The following KDM4C variants were observed in gnomAD, a reference collection of about 807,000 sequenced individuals.
The protein encoded by KDM4C is lysine demethylase 4C, also known as lysine-specific demethylase 4C.
In KDM4C, 81 loss-of-function variants were observed where a neutral mutation model predicts 129.3. The ratio of observed to expected loss-of-function variants is 0.63; its 90% CI spans 0.52 to 0.75. The LOEUF is 0.75. Ranked by LOEUF, KDM4C falls within the 30% of genes least tolerant of loss-of-function variation. The pLI, the probability that KDM4C is intolerant of heterozygous loss-of-function variation, is 0.00. For synonymous variants in KDM4C, 573 were observed against 456.1 expected, an observed-to-expected ratio of 1.26 and a Z score of -3.26; for missense variants, 1,457 against 1,304.0, an observed-to-expected ratio of 1.12 and a Z score of -1.81.
intron 18 of KDM4C, among the ~76,000 whole-genome samples, chr9:7,105,235 C>A (rs553367646): frequency 6.6e-6 from 1 of 152,094 alleles, no homozygotes; most frequent in Non-Finnish European, 1.5e-5. Flanking sequence ...TATATGAATG[C>A]GTTTTGAGAT....
chr9:6,831,406 C>T (rs376995995), intron 4 of KDM4C, among the ~76,000 whole-genome samples: 43 of 151,840 alleles, frequency 2.8e-4, no homozygotes, highest in Non-Finnish European at 5.0e-4. Flanking sequence ...CTCACTCTGT[C>T]GGCCAGGCTC....
intron 17 of KDM4C, among the ~76,000 whole-genome samples, chr9:7,068,686 CTTTTTTTTTTT>C (rs542039227): frequency 0.06 from 6,142 of 101,846 alleles, 280 homozygotes; most frequent in East Asian, 0.27. Flanking sequence ...GATGCCCTTT[CTTTTTTTTTTT>C]TTTTTTTTTT....
chr9:7,103,717 G>C lies in KDM4C; in HGVS notation c.2457G>C (p.Arg819Ser), dbSNP rs745947307. Residue 819 changes from arginine to serine, a missense_variant, in exon 18 of 22, where the codon AGG becomes AGC. Physicochemically the swap from Arg to Ser is moderately radical, Grantham distance 110 (BLOSUM62 -1). Transcript: ENST00000381309. ...TCTTCTGCAGACACCGGGTTAAGAG[G>C]GTCTCTGGAGCCTGCATCCAGTGTT... ...KCIFCRHRVKRVSGACIQCSY... is the reference protein window; with the variant it reads ...KCIFCRHRVKSVSGACIQCSY... The C allele has an allele frequency of 6.2e-7, 1 of 1,613,890 alleles. No homozygotes were observed. Among genetic ancestry groups the C allele is most frequent in the South Asian group, 1.1e-5 (1 of 91,080 alleles).
chr9:6,799,572 AG>A (rs1554690536), intron 2 of KDM4C, among the ~76,000 whole-genome samples: 1 of 132,208 alleles, frequency 7.6e-6, no homozygotes, highest in South Asian at 2.2e-4. Context: ...GAGACAGGAG[AG>A]GGATGAGAGG....
At position 6,740,171 on chromosome 9, in the gene KDM4C, T is replaced by TGC. The variant is rs1435998399; in HGVS notation, c.49+19176_49+19177dup. On this transcript the variant is annotated intron_variant, in intron 1 of 17. Coordinates refer to the KDM4C transcript ENST00000536108. The stretch of plus-strand genomic sequence containing the variant: ...TCCCAAAGTGCTGGAATTACAGGTG[T>TGC]GCGACACCACACCCAGCCTAATTTT... Among the ~76,000 whole-genome samples the TGC allele has an allele frequency of 9.2e-5, 14 of 152,116 alleles. 1 individual carries two copies. The highest frequency in any genetic ancestry group is 3.4e-4 in the African/African-American group (14 of 41,502).
rs576943970 is a variant in KDM4C, at chr9:6,951,348, C to G, written c.922-29577C>G. Reference sequence around the variant, plus strand: ...TATGCTTTTGAGTTATAAATTAAAACCTGATAATAAACTCTGTCTTCTGGA... The same window carrying G: ...TATGCTTTTGAGTTATAAATTAAAAGCTGATAATAAACTCTGTCTTCTGGA... On this transcript the variant is annotated intron_variant, in intron 8 of 21. Transcript: ENST00000381309. Among the ~76,000 whole-genome samples, 132 of 152,282 alleles carry G rather than the reference C, an allele frequency of 8.7e-4. 1 individual carries two copies. Among genetic ancestry groups the G allele is most frequent in the Middle Eastern group, 6.8e-3 (2 of 294 alleles).
intron 1 of KDM4C, among the ~76,000 whole-genome samples, chr9:6,785,790 G>A (rs781675645): frequency 1.3e-5 from 2 of 152,182 alleles, no homozygotes; most frequent in African/African-American, 4.8e-5. Context: ...CGTGTCTTTT[G>A]GGGGGACACA....
intron 8 of KDM4C, among the ~76,000 whole-genome samples, chr9:6,974,320 C>T (rs1385624163): frequency 6.6e-6 from 1 of 152,126 alleles, no homozygotes; most frequent in South Asian, 2.1e-4. Flanking sequence ...TTATATATAA[C>T]GTTATATTCA....
At chr9:6,952,835 G>A (rs1019222452) in intron 8 of KDM4C, among the ~76,000 whole-genome samples, 25 of 152,188 alleles carry the variant, frequency 1.6e-4, no homozygotes, top group South Asian at 4.1e-4. Flanking sequence ...TAGGTTAAAT[G>A]TGGTTCTCTA....
chr9:7,124,370 A>C (rs10976052), intron 18 of KDM4C, among the ~76,000 whole-genome samples: 67,922 of 152,108 alleles, frequency 0.45, 15,564 homozygotes, highest in East Asian at 0.75. Flanking sequence ...TGCCAAGATG[A>C]AGCTGTGTGT....
intron 3 of KDM4C, among the ~76,000 whole-genome samples, chr9:6,806,487 TC>T (rs1446885564): frequency 1.3e-5 from 2 of 148,834 alleles, no homozygotes; most frequent in Admixed American, 1.4e-4. Context: ...AGAGTGAAAC[TC>T]CGTCTCGAAA....
intron 11 of KDM4C, among the ~76,000 whole-genome samples, chr9:6,987,258 C>G (rs530664005): frequency 1.3e-5 from 2 of 152,148 alleles, no homozygotes; most frequent in African/African-American, 4.8e-5. Context: ...ACCAGGGTGA[C>G]CTTTCTTGTC....
chr9:7,109,784 T>G (rs1449802121), intron 18 of KDM4C, among the ~76,000 whole-genome samples: 1 of 152,212 alleles, frequency 6.6e-6, no homozygotes, highest in African/African-American at 2.4e-5. Context: ...GGTGACTGCT[T>G]TATTTCTAAT....
chr9:6,808,588 C>T (rs1392017192), intron 3 of KDM4C, among the ~76,000 whole-genome samples: 2 of 148,020 alleles, frequency 1.4e-5, no homozygotes. Context: ...CCTAGGAAAA[C>T]CAGAGACCTT....
chr9:7,044,783 G>C (rs1407859), intron 15 of KDM4C, among the ~76,000 whole-genome samples: 13,844 of 151,982 alleles, frequency 0.091, 788 homozygotes, highest in East Asian at 0.18. Context: ...TGGATCAGAT[G>C]CTCAGCAGGC....
chr9:6,757,559 C>G (rs1361665678), upstream of KDM4C: 65 of 907,672 alleles, frequency 7.2e-5, no homozygotes, highest in Non-Finnish European at 7.9e-5. Flanking sequence ...AGCTGCGAGC[C>G]CCGACTTTCT....
rs145993396 is a variant in KDM4C, at chr9:6,739,007, G to T, written c.49+18010G>T. Reference sequence around the variant, plus strand: ...GCCTCCCACCTGAGCCTCCCAAAGTGCTGGGATTACGGGCATGAGCCTCCA... The same window carrying T: ...GCCTCCCACCTGAGCCTCCCAAAGTTCTGGGATTACGGGCATGAGCCTCCA... On this transcript the variant is annotated intron_variant, in intron 1 of 17. Coordinates refer to the KDM4C transcript ENST00000536108. Among the ~76,000 whole-genome samples, 804 of 152,156 alleles carry T rather than the reference G, an allele frequency of 5.3e-3. 22 individuals are homozygous for T. The highest frequency in any genetic ancestry group is 0.035 in the East Asian group (181 of 5,166).
rs1414421256 is a variant in KDM4C at position 6,743,648 on chromosome 9, T to C, written c.49+22651T>C. ...TCAGCCTCCCTAGTAGCTGGGATTA[T>C]AGGTGTGTACAACCAAGCCTGGCTA... On this transcript the variant is annotated intron_variant, in intron 1 of 17. Transcript: ENST00000536108. Among the ~76,000 whole-genome samples the C allele has an allele frequency of 3.9e-5, 6 of 151,942 alleles. No homozygotes were observed. In the Admixed American group the frequency reaches 3.9e-4, roughly 10 times the overall value.
At chr9:6,996,586 C>G (rs1240684017) in intron 12 of KDM4C, among the ~76,000 whole-genome samples, 1 of 152,134 alleles carries the variant, frequency 6.6e-6, no homozygotes, top group East Asian at 1.9e-4. Context: ...GTTTCTAATG[C>G]AATTGTAAAC....
Sources: allele counts gnomAD v4.1 joint callset (sites outside exome capture counted in the v4.1 genomes callset), GRCh38; gene constraint gnomAD v4.1.1; transcripts MANE v1.5; gene names NCBI Gene and HGNC (gene_info 2026-07-23, HGNC 2026-07-21).